The following SKI variants were observed in gnomAD, a reference collection of about 807,000 sequenced individuals.
The protein encoded by SKI is SKI proto-oncogene.
Under a neutral mutation model 59.3 loss-of-function variants are expected in SKI, and 23 were observed. The ratio of observed to expected loss-of-function variants is 0.39; its 90% CI spans 0.28 to 0.55. The LOEUF (loss-of-function observed/expected upper bound fraction) is 0.55, where lower values mean the gene tolerates loss of function less well. Among genes scored for constraint, SKI ranks in the 20% least tolerant of loss-of-function variants. The pLI is 0.67. For synonymous variants in SKI, 673 were observed against 488.6 expected, an observed-to-expected ratio of 1.38 and a Z score of -4.98; for missense variants, 1,017 against 1,038.9, an observed-to-expected ratio of 0.98 and a Z score of 0.29.
chr1:2,246,632 T>C (rs933264961), intron 1 of SKI, among the ~76,000 whole-genome samples: 14 of 152,102 alleles, frequency 9.2e-5, no homozygotes, highest in Admixed American at 4.6e-4. Flanking sequence ...CACCCCTCCT[T>C]TGTGCGAGCT....
chr1:2,300,637 G>T (rs949645480), intron 1 of SKI, among the ~76,000 whole-genome samples: 16 of 152,228 alleles, frequency 1.1e-4, no homozygotes, highest in Non-Finnish European at 1.5e-4. Flanking sequence ...CCACAGGGGC[G>T]CAGACACCTT....
Position 2,306,941 on chromosome 1 carries a change from T to G in SKI, c.*176T>G. On this transcript the variant is annotated 3_prime_UTR_variant, in exon 7 of 7. Coordinates refer to ENST00000378536, the MANE Select transcript of SKI (RefSeq NM_003036.4). ...TTTTGGAACCCACTGCAAAATTTTC[T>G]ACTGGCCAAGTTCAAGTGAGTAAGC... is the stretch of plus-strand genomic sequence containing the variant. 1 of 394,406 alleles carries G rather than the reference T, an allele frequency of 2.5e-6. No individual in the cohort carries two copies. Among genetic ancestry groups the G allele is most frequent in the Admixed American group, 5.0e-5 (1 of 19,822 alleles). 24.4% of individuals were successfully genotyped at this position (394,406 alleles called of 1,614,324 possible). A position where few individuals can be genotyped will look rare whatever the true frequency, so the allele number is the denominator to read the frequency against.
chr1:2,263,296 G>A (rs1639427583), intron 1 of SKI, among the ~76,000 whole-genome samples: 1 of 147,996 alleles, frequency 6.8e-6, no homozygotes, highest in East Asian at 2.0e-4. Flanking sequence ...GGAGTGCAGT[G>A]ACACGATCTT....
intron 1 of SKI, among the ~76,000 whole-genome samples, chr1:2,294,096 C>T (rs552126590): frequency 6.6e-6 from 1 of 152,266 alleles, no homozygotes; most frequent in African/African-American, 2.4e-5. Context: ...TCGAGGGTCT[C>T]GGGGTGGTCC....
intron 1 of SKI, among the ~76,000 whole-genome samples, chr1:2,235,890 CG>C (rs1638740481): frequency 6.6e-6 from 1 of 152,150 alleles, no homozygotes; most frequent in Non-Finnish European, 1.5e-5. Flanking sequence ...AGTAGGCCTT[CG>C]CTTGAAGTGC....
intron 1 of SKI, among the ~76,000 whole-genome samples, chr1:2,241,949 C>CTGTGTG (rs34969427): frequency 1.0e-4 from 15 of 150,134 alleles, no homozygotes; most frequent in Admixed American, 6.0e-4. Flanking sequence ...GCATGCCTGT[C>CTGTGTG]TGTGTGTGTG....
chr1:2,288,736 CTGT>C lies in SKI; in HGVS notation c.970-14236_970-14234del, dbSNP rs1481116663. On this transcript the variant is annotated intron_variant, in intron 1 of 6. Transcript: ENST00000378536. ...ATGGATGAAACTAGCCTGAGGTGGG[CTGT>C]TGTTGGCCTGCTGGCATTTTTGGGG... 5.9e-5 allele frequency among the ~76,000 whole-genome samples: 9 copies of C among 152,314 alleles called. 1 individual carries two copies. The highest frequency in any genetic ancestry group is 1.9e-4 in the East Asian group (1 of 5,182).
At chr1:2,253,720 G>C (rs260510) in intron 1 of SKI, among the ~76,000 whole-genome samples, 1 of 152,128 alleles carries the variant, frequency 6.6e-6, no homozygotes, top group Non-Finnish European at 1.5e-5. Flanking sequence ...CTGCCCACAG[G>C]GGCCCTGGGA....
chr1:2,303,914 T>C lies in SKI; in HGVS notation c.1286T>C (p.Val429Ala). The stretch of plus-strand genomic sequence containing the variant: ...CTCGCACCGCCGGCCCAGCAGAAGG[T>C]TGTGAGCAGCCCTCCGTGTGCCGCC... ...VALAPPAQQK[V>A]VSSPPCAAAV... The change falls in exon 4 of 7, where the codon GTT becomes GCT. Residue 429 changes from valine (V) to alanine (A), a missense_variant. By Grantham distance (64) the Val-to-Ala change is moderately conservative. Transcript: ENST00000378536. The surrounding 1 kb of genome is among the most constrained non-coding windows in gnomAD (Gnocchi z 5.6). 1.2e-6 allele frequency: 2 copies of C among 1,612,044 alleles called. No individual in the cohort carries two copies. The highest frequency in any genetic ancestry group is 1.7e-6 in the Non-Finnish European group (2 of 1,179,732).
chr1:2,292,117 A>AC (rs1395620747), intron 1 of SKI, among the ~76,000 whole-genome samples: 7 of 152,210 alleles, frequency 4.6e-5, no homozygotes, highest in African/African-American at 1.4e-4. Context: ...TTGGGGGTGC[A>AC]CCTGGAGGAG....
At chr1:2,299,783 A>G (rs1049274119) in intron 1 of SKI, among the ~76,000 whole-genome samples, 3 of 152,180 alleles carry the variant, frequency 2.0e-5, no homozygotes, top group Admixed American at 6.5e-5. Flanking sequence ...AGGGTCCCCA[A>G]GGCCTTCTCA....
At chr1:2,296,891 G>A (rs527611101) in intron 1 of SKI, among the ~76,000 whole-genome samples, 14 of 152,228 alleles carry the variant, frequency 9.2e-5, no homozygotes, top group Admixed American at 1.3e-4. Flanking sequence ...GGTTCAGTCC[G>A]GGAAATGGTT....
intron 1 of SKI, among the ~76,000 whole-genome samples, chr1:2,262,611 C>T (rs558139060): frequency 1.1e-4 from 17 of 152,290 alleles, no homozygotes; most frequent in African/African-American, 2.9e-4. Flanking sequence ...GATTTGGCAC[C>T]GTCGAGTGTG....
intron 1 of SKI, among the ~76,000 whole-genome samples, chr1:2,297,646 C>A (rs1456485141): frequency 1.3e-5 from 2 of 152,262 alleles, no homozygotes; most frequent in Admixed American, 6.5e-5. Flanking sequence ...AAGCCCGTGG[C>A]CCCTGTACAG....
intron 1 of SKI, among the ~76,000 whole-genome samples, chr1:2,253,750 G>T (rs774168366): frequency 6.6e-6 from 1 of 152,194 alleles, no homozygotes; most frequent in Non-Finnish European, 1.5e-5. Context: ...CGGGTCCCTC[G>T]TGCCCTGGTG....
chr1:2,283,409 T>C (rs551830128), intron 1 of SKI, among the ~76,000 whole-genome samples: 2 of 151,922 alleles, frequency 1.3e-5, no homozygotes, highest in South Asian at 4.2e-4. Flanking sequence ...GGTGAGGAGG[T>C]GGCAAGCATC....
At chr1:2,271,724 G>GT (rs1553195756) in intron 1 of SKI, among the ~76,000 whole-genome samples, 1 of 151,624 alleles carries the variant, frequency 6.6e-6, no homozygotes, top group Non-Finnish European at 1.5e-5. Flanking sequence ...CCCCTGGGGG[G>GT]GGGTAGGGGG....
At chr1:2,296,434 G>A (rs772063898) in intron 1 of SKI, among the ~76,000 whole-genome samples, 2 of 152,130 alleles carry the variant, frequency 1.3e-5, no homozygotes, top group Non-Finnish European at 2.9e-5. Flanking sequence ...CGTTGTGGGC[G>A]TGAGTTGACG....
chr1:2,251,629 G>C lies in SKI; in HGVS notation c.969+21894G>C, dbSNP rs201228053. Among the ~76,000 whole-genome samples the C allele has an allele frequency of 4.5e-4, 69 of 152,350 alleles. 1 individual carries two copies. In the East Asian group the frequency reaches 0.013, roughly 28 times the overall value. ...CGCCTGTGTAACGGTTACTGCCTCT[G>C]TGTGGGCAGCATCTGGGGGGGCTGG... is the stretch of plus-strand genomic sequence containing the variant. On this transcript the variant is annotated intron_variant, in intron 1 of 6. Coordinates refer to ENST00000378536, the MANE Select transcript of SKI (RefSeq NM_003036.4).
Sources: gnomAD v4.1 joint callset for allele counts (sites outside exome capture counted in the v4.1 genomes callset) on GRCh38, gnomAD v4.1.1 for gene constraint, Gnocchi (gnomAD v3.1) non-coding constraint, MANE v1.5 for transcripts, NCBI Gene and HGNC (gene_info 2026-07-23, HGNC 2026-07-21) for gene names.